Variants in NCOA3 observed in about 807,000 individuals in gnomAD.
The protein encoded by NCOA3 is nuclear receptor coactivator 3.
In NCOA3, 51 loss-of-function variants were observed where a neutral mutation model predicts 158.8. The ratio of observed to expected loss-of-function variants is 0.32; its 90% confidence interval spans 0.26 to 0.41. The LOEUF is 0.41. Ranked by LOEUF, NCOA3 falls within the 10% of genes least tolerant of loss-of-function variation. The pLI, the probability that NCOA3 is intolerant of heterozygous loss-of-function variation, is 1.00. For synonymous variants in NCOA3, 537 were observed against 592.4 expected, an observed-to-expected ratio of 0.91 and a Z score of 1.36; for missense variants, 1,510 against 1,746.6, an observed-to-expected ratio of 0.86 and a Z score of 2.41.
chr20:47,550,935 A>G (rs1306151662), intron 1 of NCOA3, among the ~76,000 whole-genome samples: 1 of 152,186 alleles, frequency 6.6e-6, no homozygotes, highest in Admixed American at 6.6e-5. Flanking sequence ...ATAGTAACTC[A>G]GAATAAGATG....
rs369008602 is a variant in NCOA3 at position 47,605,419 on chromosome 20, C to CAT, written c.-19-16801_-19-16800dup. On this transcript the variant is annotated intron_variant, in intron 2 of 22. Transcript: ENST00000371998. The stretch of plus-strand genomic sequence containing the variant: ...TGTTTGTGTGTGTGTGTGTATGAGA[C>CAT]ATATATATATTATTATTATGTATAT... Among the ~76,000 whole-genome samples, 1,195 of 151,866 alleles carry CAT rather than the reference C, an allele frequency of 7.9e-3. 16 individuals carry two copies. The highest frequency in any genetic ancestry group is 0.026 in the African/African-American group (1,068 of 41,402).
At chr20:47,628,936 C>T (rs2086369718) in intron 8 of NCOA3, 1 of 152,120 alleles carries the variant, frequency 6.6e-6, no homozygotes, top group African/African-American at 2.4e-5. Context: ...GATAAAGAAA[C>T]AGAAGCTTGG....
At chr20:47,522,653 C>A (rs1316201275) in intron 1 of NCOA3, among the ~76,000 whole-genome samples, 1 of 152,008 alleles carries the variant, frequency 6.6e-6, no homozygotes, top group East Asian at 1.9e-4. Flanking sequence ...CGTGAAAAAG[C>A]TGACCCTCCC....
At chr20:47,638,456 A>C (rs2086551901) in intron 13 of NCOA3, among the ~76,000 whole-genome samples, 1 of 152,244 alleles carries the variant, frequency 6.6e-6, no homozygotes, top group Non-Finnish European at 1.5e-5. Flanking sequence ...TGTCAATTGA[A>C]AAGGCAGCAT....
At chr20:47,547,246 T>C (rs6012206) in intron 1 of NCOA3, among the ~76,000 whole-genome samples, 12,282 of 152,154 alleles carry the variant, frequency 0.081, 673 homozygotes, top group Middle Eastern at 0.17. Flanking sequence ...AAACACACTC[T>C]GTATTTCCTT....
At chr20:47,542,009 G>GT (rs755173294) in intron 1 of NCOA3, among the ~76,000 whole-genome samples, 1,314 of 56,390 alleles carry the variant, frequency 0.023, 42 homozygotes, top group Non-Finnish European at 0.033. Flanking sequence ...GCCCTGTAGA[G>GT]TTTTTTTTTT....
At chr20:47,551,236 A>C (rs772771206) in intron 1 of NCOA3, among the ~76,000 whole-genome samples, 17 of 152,186 alleles carry the variant, frequency 1.1e-4, no homozygotes, top group Non-Finnish European at 2.2e-4. Flanking sequence ...AACTAAATTG[A>C]TGAAAAATTT....
chr20:47,633,462 A>G (rs1475798162), intron 8 of NCOA3, 34 bp from the exon 9 acceptor site: 1 of 1,582,348 alleles, frequency 6.3e-7, no homozygotes, highest in Admixed American at 1.8e-5. Context: ...TGTGGGCTGG[A>G]TATAAGTCTT....
At chr20:47,652,812 C>G in intron 21 of NCOA3, 119 bp from the exon 22 acceptor site, 1 of 1,241,294 alleles carries the variant, frequency 8.1e-7, no homozygotes, top group Non-Finnish European at 1.1e-6. Context: ...AGGGAGTTTT[C>G]TCTAACATTC....
chr20:47,585,252 A>G (rs1049443864), intron 2 of NCOA3, among the ~76,000 whole-genome samples: 3 of 151,914 alleles, frequency 2.0e-5, no homozygotes, highest in Non-Finnish European at 4.4e-5. Flanking sequence ...GGATTTCACC[A>G]TGTTGGCCAG....
intron 1 of NCOA3, among the ~76,000 whole-genome samples, chr20:47,547,932 A>G (rs2042816334): frequency 6.7e-6 from 1 of 150,288 alleles, no homozygotes; most frequent in Admixed American, 6.7e-5. Flanking sequence ...GGGTTTACCA[A>G]GTTGGCCAGG....
chr20:47,551,419 C>T (rs2084925121), intron 1 of NCOA3, among the ~76,000 whole-genome samples: 1 of 152,118 alleles, frequency 6.6e-6, no homozygotes, highest in South Asian at 2.1e-4. Flanking sequence ...ATCTTTCAAG[C>T]AGTAGACTTT....
intron 1 of NCOA3, among the ~76,000 whole-genome samples, chr20:47,552,077 A>G (rs1005114909): frequency 2.0e-5 from 3 of 152,192 alleles, no homozygotes; most frequent in Non-Finnish European, 1.5e-5. Context: ...TCTCAAGGTC[A>G]CTCATCACTC....
intron 8 of NCOA3, among the ~76,000 whole-genome samples, chr20:47,631,740 T>G (rs756786214): frequency 1.3e-5 from 2 of 152,220 alleles, no homozygotes; most frequent in Non-Finnish European, 2.9e-5. Flanking sequence ...GGACAGAATC[T>G]CTTCGGACAA....
chr20:47,595,359 A>G (rs935792928), intron 2 of NCOA3, among the ~76,000 whole-genome samples: 1 of 151,296 alleles, frequency 6.6e-6, no homozygotes, highest in African/African-American at 2.4e-5. Flanking sequence ...TGGCCTACCA[A>G]AGTGTGCTGG....
At chr20:47,603,856 A>G (rs892905422) in intron 2 of NCOA3, among the ~76,000 whole-genome samples, 1 of 151,892 alleles carries the variant, frequency 6.6e-6, no homozygotes, top group Non-Finnish European at 1.5e-5. Flanking sequence ...TGGGGTTTAT[A>G]TGGGTACAGG....
chr20:47,510,861 A>G (rs1435881505), intron 1 of NCOA3, among the ~76,000 whole-genome samples: 4 of 152,018 alleles, frequency 2.6e-5, no homozygotes, highest in Non-Finnish European at 5.9e-5. Context: ...GGGATTACAG[A>G]TGTGAGCCAT....
At chr20:47,529,545 T>A (rs896644212) in intron 1 of NCOA3, among the ~76,000 whole-genome samples, 1 of 152,198 alleles carries the variant, frequency 6.6e-6, no homozygotes, top group Non-Finnish European at 1.5e-5. Context: ...CCCGAGTAGC[T>A]GGGACCACAA....
At chr20:47,515,381 T>C (rs2084215547) in intron 1 of NCOA3, among the ~76,000 whole-genome samples, 1 of 151,376 alleles carries the variant, frequency 6.6e-6, no homozygotes, top group African/African-American at 2.4e-5. Flanking sequence ...CTTGAACTCC[T>C]GATGTCGTGA....
Sources: allele counts gnomAD v4.1 joint callset (sites outside exome capture counted in the v4.1 genomes callset), GRCh38; gene constraint gnomAD v4.1.1; transcripts MANE v1.5; gene names NCBI Gene and HGNC (gene_info 2026-07-23, HGNC 2026-07-21).